The following KIF1C variants were observed in gnomAD, a reference collection of about 807,000 sequenced individuals.
The protein encoded by KIF1C is kinesin-like protein KIF1C.
In KIF1C, 61 loss-of-function variants were observed where a neutral mutation model predicts 126.5. The ratio of observed to expected loss-of-function variants is 0.48; its 90% CI spans 0.39 to 0.60. The LOEUF is 0.60. Among genes scored for constraint, KIF1C ranks in the 20% least tolerant of loss-of-function variants. KIF1C has a pLI of 0.00. For synonymous variants in KIF1C, 640 were observed against 580.6 expected (o/e 1.10, Z -1.47); for missense variants, 1,315 against 1,489.2 (o/e 0.88, Z 1.93).
chr17:5,002,182 C>T (rs377378621), intron 6 of KIF1C, 58 bp downstream of exon 6: 2 of 1,475,568 alleles, frequency 1.4e-6, no homozygotes, highest in South Asian at 1.1e-5. Flanking sequence ...AGGGCTGTCG[C>T]TGGAATCAGA....
chr17:5,005,927 C>T (rs1459530875), intron 13 of KIF1C, among the ~76,000 whole-genome samples: 1 of 151,542 alleles, frequency 6.6e-6, no homozygotes, highest in Non-Finnish European at 1.5e-5. Flanking sequence ...GGGGTTTTAG[C>T]CTGGCACAGT....
rs1975229822 is a variant in KIF1C at position 5,027,551 on chromosome 17, T to C, written c.*3400T>C. The C allele has an allele frequency of 6.6e-6, 1 of 152,236 alleles. No individual in the cohort carries two copies. Among genetic ancestry groups the C allele is most frequent in the Admixed American group, 6.6e-5 (1 of 15,254 alleles). 9.4% of individuals were successfully genotyped at this position (152,236 alleles called of 1,614,324 possible). The stretch of plus-strand genomic sequence containing the variant: ...CTGGTACTGCAAGCATGTGCCACCG[T>C]GCCTGGCTCCTGAAGACTGAGGTTG... On this transcript the variant is annotated 3_prime_UTR_variant, in exon 23 of 23. Coordinates refer to ENST00000320785, the MANE Select transcript of KIF1C (RefSeq NM_006612.6).
At chr17:5,013,825 TC>T in intron 17 of KIF1C, 93 bp downstream of exon 17, 1 of 885,180 alleles carries the variant, frequency 1.1e-6, no homozygotes, top group Middle Eastern at 2.3e-4. Context: ...TCCCTGGTGG[TC>T]CCTGGAGATA....
chr17:5,019,877 G>C (rs1029264466), intron 18 of KIF1C, 119 bp from the exon 19 acceptor site: 9 of 727,076 alleles, frequency 1.2e-5, no homozygotes, highest in African/African-American at 3.5e-5. Context: ...TACAGGTACT[G>C]GGGGTGGGAC....
At position 5,023,338 on chromosome 17, in the gene KIF1C, G is replaced by A. The variant is rs768419199; in HGVS notation, c.2629-130G>A. 1.3e-6 allele frequency: 1 copy of A among 752,392 alleles called. No individual in the cohort carries two copies. The highest frequency in any genetic ancestry group is 2.2e-6 in the Non-Finnish European group (1 of 460,664). 46.6% of individuals were successfully genotyped at this position (752,392 alleles called of 1,614,324 possible). ...CCGGCCCTAAACCACTATTTTTCGA[G>A]CTTCCTTATCTCTAGGCTTTTCTCT... On this transcript the variant is annotated intron_variant, in intron 22 of 22. Transcript: ENST00000320785. This position sits in a 1 kb window ranked among gnomAD's most constrained non-coding sequence, Gnocchi z 4.2.
At chr17:5,002,985 C>T (rs1567720546) in intron 8 of KIF1C, 143 bp downstream of exon 8, 1 of 627,104 alleles carries the variant, frequency 1.6e-6, no homozygotes, top group South Asian at 1.9e-5. Flanking sequence ...CGCGCCCCAC[C>T]CCTACCCTGT....
At chr17:4,998,621 C>T (rs1210868041) in intron 1 of KIF1C, among the ~76,000 whole-genome samples, 1 of 152,242 alleles carries the variant, frequency 6.6e-6, no homozygotes, top group Admixed American at 6.5e-5. Context: ...GTGTCCTTCC[C>T]TCCCCTGGTC....
chr17:5,016,603 G>A (rs1457475266), intron 18 of KIF1C, among the ~76,000 whole-genome samples: 1 of 150,998 alleles, frequency 6.6e-6, no homozygotes, highest in African/African-American at 2.4e-5. Flanking sequence ...TTACAGTGAG[G>A]TTTAAGACAT....
rs1038256262 is a variant in KIF1C at position 5,006,912 on chromosome 17, C to T, written c.1166-3C>T. On this transcript the variant is annotated splice_region_variant and splice_polypyrimidine_tract_variant and intron_variant, in intron 13 of 22. Coordinates refer to ENST00000320785, the MANE Select transcript of KIF1C (RefSeq NM_006612.6). Reference sequence around the variant, plus strand: ...CATTCTTTTTCCTCTTTCTCCCTCCCAGGCCTGAAGACGGAAGAAGGGAGT... The same window carrying T: ...CATTCTTTTTCCTCTTTCTCCCTCCTAGGCCTGAAGACGGAAGAAGGGAGT... The T allele has an allele frequency of 4.3e-6, 7 of 1,611,716 alleles. No individual in the cohort carries two copies. In the African/African-American group the frequency reaches 5.4e-5, roughly 12 times the overall value.
rs1597866696 is a variant in KIF1C, at chr17:5,024,303, G to A, written c.*152G>A. On this transcript the variant is annotated 3_prime_UTR_variant, in exon 23 of 23. Transcript: ENST00000320785. Reference sequence around the variant, plus strand: ...GGTGATAGAAGACAAGGGGGAGACCGAGCCGGAGGCTGAGGAAAGGAAGAG... The same window carrying A: ...GGTGATAGAAGACAAGGGGGAGACCAAGCCGGAGGCTGAGGAAAGGAAGAG... 1.9e-5 allele frequency: 11 copies of A among 574,768 alleles called. No homozygotes were observed. Among genetic ancestry groups the A allele is most frequent in the East Asian group, 1.3e-4 (4 of 30,808 alleles). 35.6% of individuals were successfully genotyped at this position (574,768 alleles called of 1,614,324 possible). A position where few individuals can be genotyped will look rare whatever the true frequency, so the allele number is the denominator to read the frequency against.
chr17:5,005,482 A>G (rs1040848486), intron 13 of KIF1C, among the ~76,000 whole-genome samples: 1 of 152,184 alleles, frequency 6.6e-6, no homozygotes, highest in African/African-American at 2.4e-5. Flanking sequence ...ACGGTCAGGA[A>G]TGGACCCTGC....
chr17:5,007,612 G>A lies in KIF1C; in HGVS notation c.1491+70G>A, dbSNP rs1597850346. On this transcript the variant is annotated intron_variant, in intron 16 of 22. Transcript: ENST00000320785. ...GCCTAGAAAAGAGGCAGCAGGTGCA[G>A]GGTAGTGAGTGCTGTCCCTGATCGC... is the stretch of plus-strand genomic sequence containing the variant. The A allele has an allele frequency of 3.0e-6, 4 of 1,324,488 alleles. No individual in the cohort carries two copies. In the East Asian group the frequency reaches 7.0e-5, roughly 23 times the overall value. 82.0% of individuals were successfully genotyped at this position (1,324,488 alleles called of 1,614,324 possible). A position where few individuals can be genotyped will look rare whatever the true frequency, so the allele number is the denominator to read the frequency against.
intron 21 of KIF1C, among the ~76,000 whole-genome samples, chr17:5,021,169 G>GT (rs765920431): frequency 0.34 from 26,569 of 77,676 alleles, 3,731 homozygotes; most frequent in Non-Finnish European, 0.4. Context: ...GATTGTTGTG[G>GT]TTTTTTTTTT....
intron 18 of KIF1C, among the ~76,000 whole-genome samples, chr17:5,016,920 A>T (rs1033797230): frequency 7.3e-5 from 11 of 151,486 alleles, no homozygotes; most frequent in African/African-American, 1.9e-4. Context: ...AAAAAAAAAA[A>T]GACATGCCTC....
At chr17:5,010,849 T>G (rs1016100460) in intron 16 of KIF1C, among the ~76,000 whole-genome samples, 1 of 151,234 alleles carries the variant, frequency 6.6e-6, no homozygotes, top group Non-Finnish European at 1.5e-5. Context: ...CTTGCTGTGT[T>G]GCCCAGGCTG....
intron 4 of KIF1C, 44 bp downstream of exon 4, chr17:5,000,892 A>C: frequency 6.4e-7 from 1 of 1,563,942 alleles, no homozygotes; most frequent in Middle Eastern, 1.7e-4. Context: ...TGAGAGACAG[A>C]GGATTTAGGT....
At chr17:5,000,504 T>G (rs1974557098) in intron 3 of KIF1C, 152 bp downstream of exon 3, 8 of 677,438 alleles carry the variant, frequency 1.2e-5, no homozygotes, top group Non-Finnish European at 2.0e-5. Context: ...AGGCTGGCCT[T>G]TCCCGTGTTC....
intron 16 of KIF1C, among the ~76,000 whole-genome samples, chr17:5,009,485 G>T (rs1489621227): frequency 6.6e-6 from 1 of 151,632 alleles, no homozygotes; most frequent in Non-Finnish European, 1.5e-5. Context: ...GCCCATTATG[G>T]GTTCTTACTA....
intron 5 of KIF1C, 93 bp from the exon 6 acceptor site, chr17:5,001,966 G>T (rs1480407025): frequency 7.1e-6 from 8 of 1,122,044 alleles, no homozygotes; most frequent in African/African-American, 3.1e-5. Flanking sequence ...AGGGTTAAAT[G>T]GGGTCACTTG....
Sources: gnomAD v4.1 joint callset for allele counts (sites outside exome capture counted in the v4.1 genomes callset) on GRCh38, gnomAD v4.1.1 for gene constraint, Gnocchi (gnomAD v3.1) non-coding constraint, MANE v1.5 for transcripts, NCBI Gene and HGNC (gene_info 2026-07-23, HGNC 2026-07-21) for gene names.